The following PBX3 variants were observed in gnomAD, a reference collection of about 807,000 sequenced individuals.
The protein encoded by PBX3 is pre-B-cell leukemia transcription factor 3.
In PBX3, 14 loss-of-function variants were observed where a neutral mutation model predicts 48.5. That is an observed-to-expected ratio of 0.29 (90% CI 0.19 to 0.45). The LOEUF is 0.45. Ranked by LOEUF, PBX3 falls within the 20% of genes least tolerant of loss-of-function variation. The pLI is 1.00. For missense variants in PBX3, 386 were observed against 546.7 expected (o/e 0.71, Z 2.93); for synonymous variants, 210 against 200.3 (o/e 1.05, Z -0.41).
intron 2 of PBX3, among the ~76,000 whole-genome samples, chr9:125,819,252 G>A (rs1395475850): frequency 1.3e-5 from 2 of 151,928 alleles, no homozygotes; most frequent in African/African-American, 4.8e-5. Flanking sequence ...TTCAAGGCCA[G>A]GCGGGGTGGC....
intron 5 of PBX3, among the ~76,000 whole-genome samples, chr9:125,940,658 T>C (rs1052077663): frequency 6.6e-6 from 1 of 152,240 alleles, no homozygotes; most frequent in Non-Finnish European, 1.5e-5. Flanking sequence ...TGGAATGTTA[T>C]TTAACAATGA....
In PBX3 at chr9:125,841,097, A is replaced by T. The variant is rs142334671; in HGVS notation, c.275-74589A>T. Among the ~76,000 whole-genome samples, 737 of 152,198 alleles carry T rather than the reference A, an allele frequency of 4.8e-3. 9 individuals carry two copies. Among genetic ancestry groups the T allele is most frequent in the African/African-American group, 0.017 (710 of 41,534 alleles). ...TGAATAGCCTCTTTGCATGGAATTT[A>T]TTATGGTTTGTTTGATTATTCCTAT... On this transcript the variant is annotated intron_variant, in intron 2 of 8. Coordinates refer to ENST00000373489, the MANE Select transcript of PBX3 (RefSeq NM_006195.6).
chr9:125,764,108 T>A (rs1588124970), intron 2 of PBX3, among the ~76,000 whole-genome samples: 1 of 152,368 alleles, frequency 6.6e-6, no homozygotes, highest in East Asian at 1.9e-4. Flanking sequence ...GAGCTTAGTT[T>A]TCTAAAGACT....
At chr9:125,780,167 C>T (rs1366127038) in intron 2 of PBX3, among the ~76,000 whole-genome samples, 36 of 134,940 alleles carry the variant, frequency 2.7e-4, no homozygotes, top group Admixed American at 2.2e-4. Context: ...ACCTCCCGGA[C>T]GGGGCGGCTG....
intron 2 of PBX3, among the ~76,000 whole-genome samples, chr9:125,910,547 G>C (rs1005006866): frequency 2.0e-5 from 3 of 151,860 alleles, no homozygotes. Context: ...CTAGGTTGGC[G>C]TGGAAATGTG....
intron 2 of PBX3, among the ~76,000 whole-genome samples, chr9:125,836,344 C>T (rs1802765576): frequency 6.6e-6 from 1 of 152,078 alleles, no homozygotes; most frequent in South Asian, 2.1e-4. Flanking sequence ...ACTTGGGAGC[C>T]TGAGGCAGGA....
At chr9:125,749,101 GT>G (rs1836293759) in intron 2 of PBX3, 1 of 157,900 alleles carries the variant, frequency 6.3e-6, no homozygotes, top group African/African-American at 2.4e-5. Flanking sequence ...TTGAATTAGT[GT>G]TTTAGGTGGG....
intron 2 of PBX3, among the ~76,000 whole-genome samples, chr9:125,820,075 C>T (rs60637395): frequency 0.036 from 5,404 of 152,188 alleles, 333 homozygotes; most frequent in African/African-American, 0.12. Flanking sequence ...TGCATGAAAA[C>T]GTTTGCACTG....
intron 2 of PBX3, among the ~76,000 whole-genome samples, chr9:125,801,035 G>A (rs1837929456): frequency 6.6e-6 from 1 of 152,152 alleles, no homozygotes; most frequent in African/African-American, 2.4e-5. Flanking sequence ...ACAGGCATGA[G>A]CCACCGTGCT....
chr9:125,957,931 A>C (rs1588341090), intron 5 of PBX3, among the ~76,000 whole-genome samples: 1 of 152,266 alleles, frequency 6.6e-6, no homozygotes, highest in South Asian at 2.1e-4. Context: ...TTGCAAGCCA[A>C]CTCTAGGTCT....
At chr9:125,785,791 C>T (rs1165656368) in intron 2 of PBX3, among the ~76,000 whole-genome samples, 7 of 152,166 alleles carry the variant, frequency 4.6e-5, no homozygotes, top group African/African-American at 1.2e-4. Context: ...AATAAGATCT[C>T]TTCTGCTTTC....
At chr9:125,789,272 A>C (rs573753625) in intron 2 of PBX3, among the ~76,000 whole-genome samples, 7 of 152,252 alleles carry the variant, frequency 4.6e-5, no homozygotes, top group Non-Finnish European at 8.8e-5. Context: ...TGAAAACAGC[A>C]AACATTTATC....
At chr9:125,772,018 G>A (rs1254316080) in intron 2 of PBX3, among the ~76,000 whole-genome samples, 1 of 152,134 alleles carries the variant, frequency 6.6e-6, no homozygotes, top group East Asian at 1.9e-4. Flanking sequence ...TGGGAGGTAG[G>A]TAGGTGGTAG....
intron 5 of PBX3, among the ~76,000 whole-genome samples, chr9:125,949,702 G>T (rs138844303): frequency 1.7e-4 from 26 of 152,354 alleles, no homozygotes; most frequent in Admixed American, 4.6e-4. Context: ...CAGTGGGTAT[G>T]TGGTAAGGAG....
chr9:125,873,117 G>A (rs540531948), intron 2 of PBX3, among the ~76,000 whole-genome samples: 158 of 151,686 alleles, frequency 1.0e-3, no homozygotes, highest in Middle Eastern at 3.4e-3. Flanking sequence ...AGGAGAAGGC[G>A]GAGGTTGCAG....
At chr9:125,892,311 T>G (rs1208295495) in intron 2 of PBX3, among the ~76,000 whole-genome samples, 3 of 152,180 alleles carry the variant, frequency 2.0e-5, no homozygotes, top group East Asian at 1.9e-4. Flanking sequence ...GTAATATCAT[T>G]TACATAATGG....
chr9:125,916,330 A>G (rs1052598706), intron 3 of PBX3, among the ~76,000 whole-genome samples: 7 of 152,160 alleles, frequency 4.6e-5, no homozygotes, highest in Non-Finnish European at 5.9e-5. Context: ...TTTCCCTCCT[A>G]TGCTGTGAGC....
intron 2 of PBX3, among the ~76,000 whole-genome samples, chr9:125,754,819 G>T (rs1035451671): frequency 6.6e-6 from 1 of 151,948 alleles, no homozygotes; most frequent in Admixed American, 6.6e-5. Flanking sequence ...CTGAATTGGC[G>T]TAACTTTTTT....
chr9:125,834,641 G>T lies in PBX3; in HGVS notation c.275-81045G>T, dbSNP rs569321433. On this transcript the variant is annotated intron_variant, in intron 2 of 8. Coordinates refer to ENST00000373489, the MANE Select transcript of PBX3 (RefSeq NM_006195.6). ...TTGAACTCCTGACCTCAGGTGATCC[G>T]CCCACCTCTGCCTCCCAAAGTGCTG... is the stretch of plus-strand genomic sequence containing the variant. Among the ~76,000 whole-genome samples the T allele has an allele frequency of 2.2e-3, 330 of 151,170 alleles. 2 individuals carry two copies. Among genetic ancestry groups the T allele is most frequent in the African/African-American group, 7.6e-3 (313 of 41,304 alleles).
Sources: allele counts gnomAD v4.1 joint callset (sites outside exome capture counted in the v4.1 genomes callset), GRCh38; gene constraint gnomAD v4.1.1; transcripts MANE v1.5; gene names NCBI Gene and HGNC (gene_info 2026-07-23, HGNC 2026-07-21).